RTN1: variants seen among roughly 807,000 people sequenced by gnomAD.
RTN1 encodes the protein reticulon 1, also known as reticulon-1.
In RTN1, 25 loss-of-function variants were observed where a neutral mutation model predicts 65.5. The observed-to-expected ratio is 0.38, with a 90% CI of 0.28 to 0.53. RTN1 has a LOEUF of 0.53. Among genes scored for constraint, RTN1 ranks in the 20% least tolerant of loss-of-function variants. The pLI, the probability that RTN1 is intolerant of heterozygous loss-of-function variation, is 0.79. For missense variants in RTN1, 983 were observed against 1,025.4 expected, an observed-to-expected ratio of 0.96 and a Z score of 0.57; for synonymous variants, 471 against 447.6, an observed-to-expected ratio of 1.05 and a Z score of -0.66.
At chr14:59,630,714 C>G (rs867626396) in intron 3 of RTN1, 7 of 1,129,508 alleles carry the variant, frequency 6.2e-6, no homozygotes, top group Middle Eastern at 3.7e-4. Flanking sequence ...CGGCGCGGCC[C>G]CGGAGCCGCC....
intron 3 of RTN1, among the ~76,000 whole-genome samples, chr14:59,690,913 C>G (rs1025029241): frequency 6.6e-6 from 1 of 151,912 alleles, no homozygotes; most frequent in African/African-American, 2.4e-5. Context: ...ACACAGCATA[C>G]CAAAATTTGT....
At chr14:59,729,591 G>A (rs753939856) in intron 2 of RTN1, among the ~76,000 whole-genome samples, 7 of 152,266 alleles carry the variant, frequency 4.6e-5, no homozygotes, top group African/African-American at 9.6e-5. Flanking sequence ...ACTAGAGCAC[G>A]GAGAAATAAG....
intron 1 of RTN1, among the ~76,000 whole-genome samples, chr14:59,805,840 A>C (rs1300546325): frequency 6.6e-6 from 1 of 152,216 alleles, no homozygotes; most frequent in Non-Finnish European, 1.5e-5. Flanking sequence ...AAGGTAAAGA[A>C]AGACTGCCTT....
At position 59,829,137 on chromosome 14, in the gene RTN1, C is replaced by G. The variant is rs1238641278; in HGVS notation, c.241+41253G>C. ...CATTTATACTTAAAAGGCAACTACA[C>G]AGCAATACACCGTTCATTAATTAAC... On this transcript the variant is annotated intron_variant, in intron 1 of 8. Transcript: ENST00000267484. The surrounding 1 kb of genome is among the most constrained non-coding windows in gnomAD (Gnocchi z 4.3). Among the ~76,000 whole-genome samples, 2 of 152,178 alleles carry G rather than the reference C, an allele frequency of 1.3e-5. No individual in the cohort carries two copies. The highest frequency in any genetic ancestry group is 2.4e-5 in the African/African-American group (1 of 41,446).
intron 3 of RTN1, among the ~76,000 whole-genome samples, chr14:59,633,047 G>T (rs369871362): frequency 6.6e-6 from 1 of 152,188 alleles, no homozygotes; most frequent in South Asian, 2.1e-4. Flanking sequence ...AGGCTGCAGT[G>T]AGTTGTGATC....
chr14:59,862,746 G>T (rs1645621364), intron 1 of RTN1, among the ~76,000 whole-genome samples: 1 of 152,030 alleles, frequency 6.6e-6, no homozygotes, highest in Admixed American at 6.6e-5. Context: ...TACAGTGATT[G>T]GTCTCACTTT....
At chr14:59,711,775 A>C (rs1197462029) in intron 3 of RTN1, among the ~76,000 whole-genome samples, 1 of 152,234 alleles carries the variant, frequency 6.6e-6, no homozygotes, top group Non-Finnish European at 1.5e-5. Context: ...GGTGATGATA[A>C]GTGCTTTGAA....
rs1566713743 is a variant in RTN1 at position 59,750,376 on chromosome 14, ATATT to A, written c.242-3899_242-3896del. 3.7e-4 allele frequency among the ~76,000 whole-genome samples: 19 copies of A among 51,740 alleles called. 1 individual carries two copies. The highest frequency in any genetic ancestry group is 4.4e-4 in the Admixed American group (1 of 2,270). 33.9% of individuals were successfully genotyped at this position (51,740 alleles called of 152,430 possible). A position where few individuals can be genotyped will look rare whatever the true frequency, so the allele number is the denominator to read the frequency against. On this transcript the variant is annotated intron_variant, in intron 1 of 8. Transcript: ENST00000267484. The stretch of plus-strand genomic sequence containing the variant: ...TATTATATCTATATATTATATCTAT[ATATT>A]ATATATTATATCTATAATATATATA...
intron 4 of RTN1, 156 bp from the exon 5 acceptor site, chr14:59,605,662 C>T (rs1881719876): frequency 3.1e-6 from 2 of 636,462 alleles, no homozygotes; most frequent in Admixed American, 2.9e-5. Context: ...GGCCACAGGG[C>T]ACCGTACACA....
At chr14:59,647,630 A>C (rs1033148138) in intron 3 of RTN1, among the ~76,000 whole-genome samples, 4 of 152,206 alleles carry the variant, frequency 2.6e-5, no homozygotes, top group African/African-American at 9.6e-5. Flanking sequence ...TCAAGACTAC[A>C]AAAAACTCAA....
At chr14:59,823,793 AT>A (rs1781066799) in intron 1 of RTN1, among the ~76,000 whole-genome samples, 1 of 152,142 alleles carries the variant, frequency 6.6e-6, no homozygotes, top group African/African-American at 2.4e-5. Context: ...GGTTCTCTGA[AT>A]TTACACGTCA....
chr14:59,711,267 G>A (rs188401109), intron 3 of RTN1, among the ~76,000 whole-genome samples: 55 of 152,304 alleles, frequency 3.6e-4, no homozygotes, highest in Admixed American at 2.9e-3. Context: ...GGCCCACAGT[G>A]ATATCACCTT....
intron 3 of RTN1, among the ~76,000 whole-genome samples, chr14:59,691,135 C>T (rs1883952443): frequency 6.6e-6 from 1 of 151,890 alleles, no homozygotes; most frequent in Non-Finnish European, 1.5e-5. Flanking sequence ...GCAAACCTAA[C>T]AAACCCAAAA....
rs866475558 is a variant in RTN1 at position 59,819,443 on chromosome 14, C to G, written c.241+50947G>C. On this transcript the variant is annotated intron_variant, in intron 1 of 8. Coordinates refer to ENST00000267484, the MANE Select transcript of RTN1 (RefSeq NM_021136.3). ...CCCCCCCACCCCCCACCCCCCCCCC[C>G]CGGCCACAGCTAGACACAGAGTACA... Among the ~76,000 whole-genome samples the G allele has an allele frequency of 1.7e-4, 9 of 51,736 alleles. 2 individuals are homozygous for G. The highest frequency in any genetic ancestry group is 5.0e-4 in the Admixed American group (3 of 5,948). The allele number at this position is 51,736 out of a possible 152,430, so 33.9% of individuals were successfully genotyped here.
At chr14:59,679,446 C>T (rs1883698971) in intron 3 of RTN1, among the ~76,000 whole-genome samples, 1 of 152,192 alleles carries the variant, frequency 6.6e-6, no homozygotes. Context: ...CCAGCTAAGA[C>T]CATGAGGTCT....
chr14:59,753,448 C>A (rs1885572061), intron 1 of RTN1, among the ~76,000 whole-genome samples: 1 of 152,108 alleles, frequency 6.6e-6, no homozygotes, highest in Admixed American at 6.6e-5. Flanking sequence ...GTATTAGAAT[C>A]ATCATAAAAA....
intron 1 of RTN1, among the ~76,000 whole-genome samples, chr14:59,851,855 CAAAA>C (rs5809049): frequency 5.7e-5 from 5 of 88,182 alleles, no homozygotes; most frequent in African/African-American, 4.5e-5. Flanking sequence ...GACACAGTCT[CAAAA>C]AAAAAAAAAA....
rs1886737955 is a variant in RTN1, at chr14:59,811,996, T to G, written c.241+58394A>C. 2.0e-5 allele frequency among the ~76,000 whole-genome samples: 3 copies of G among 152,160 alleles called. No homozygotes were observed. The South Asian group carries it at 6.2e-4, about 32-fold the overall frequency. On this transcript the variant is annotated intron_variant, in intron 1 of 8. Transcript: ENST00000267484. ...GGAAGGTTAGTGCCTTCCCTCACTG[T>G]GAAATAGCATTCACTGAATAGCACC...
Position 59,727,555 on chromosome 14 carries a change from C to T in RTN1, c.1129G>A (p.Val377Met), listed in dbSNP as rs1884804132. The T allele has an allele frequency of 6.2e-7, 1 of 1,611,102 alleles. No homozygotes were observed. Among genetic ancestry groups the T allele is most frequent in the African/African-American group, 1.3e-5 (1 of 74,906 alleles). ...SYETAENPRP[V>M]GQLADRPEVK... is the part of the protein sequence containing the mutation. Reference sequence around the variant, plus strand: ...TCGGGCCTGTCGGCCAGCTGGCCCACCGGCCGTGGGTTCTCGGCGGTTTCA... The same window carrying T: ...TCGGGCCTGTCGGCCAGCTGGCCCATCGGCCGTGGGTTCTCGGCGGTTTCA... Residue 377 changes from valine (V) to methionine (M), a missense_variant, in exon 3 of 9, where the codon GTG (valine) becomes ATG (methionine). Physicochemically the swap from Val to Met is conservative, Grantham distance 21. Transcript: ENST00000267484. This position sits in a 1 kb window ranked among gnomAD's most constrained non-coding sequence, Gnocchi z 4.2.
Sources: allele counts gnomAD v4.1 joint callset (sites outside exome capture counted in the v4.1 genomes callset), GRCh38; gene constraint gnomAD v4.1.1; non-coding constraint Gnocchi (gnomAD v3.1); transcripts MANE v1.5; gene names NCBI Gene and HGNC (gene_info 2026-07-23, HGNC 2026-07-21).